ZNF678: variants seen among roughly 807,000 people sequenced by gnomAD.
ZNF678 encodes hypothetical protein MGC42493.
ZNF678 carries 5 observed loss-of-function variants against 3.0 expected under a neutral mutation model. That is an observed-to-expected ratio of 1.69 (90% CI 0.88 to 3.56). The LOEUF is 3.56. ZNF678 is among the 30% of genes most tolerant of loss of function. ZNF678 has a pLI of 0.00. For synonymous variants in ZNF678, 218 were observed against 199.6 expected (o/e 1.09, Z -0.78); for missense variants, 593 against 605.0 (o/e 0.98, Z 0.21).
intron 1 of ZNF678, among the ~76,000 whole-genome samples, chr1:227,597,867 C>G (rs1377295807): frequency 6.6e-6 from 1 of 152,168 alleles, no homozygotes; most frequent in East Asian, 1.9e-4. Flanking sequence ...CTACTATGTC[C>G]ACAATACAGG....
chr1:227,613,623 AT>A (rs1658076066), intron 1 of ZNF678, among the ~76,000 whole-genome samples: 1 of 152,200 alleles, frequency 6.6e-6, no homozygotes, highest in Non-Finnish European at 1.5e-5. Context: ...GCTGAATAAG[AT>A]TTCAAACTCA....
exon 6 of ZNF678, chr1:227,677,362 C>T (rs1344947389): frequency 6.6e-6 from 1 of 152,196 alleles, no homozygotes; most frequent in Non-Finnish European, 1.5e-5. Context: ...CAAAGGTGGA[C>T]TCACTACACT....
intron 1 of ZNF678, among the ~76,000 whole-genome samples, chr1:227,578,092 C>T (rs1401676723): frequency 6.6e-6 from 1 of 152,112 alleles, no homozygotes; most frequent in Admixed American, 6.5e-5. Flanking sequence ...TTAAGGTTTC[C>T]GTTGAGAGGT....
At chr1:227,617,122 T>C (rs2102766150) in intron 1 of ZNF678, among the ~76,000 whole-genome samples, 1 of 152,346 alleles carries the variant, frequency 6.6e-6, no homozygotes, top group Admixed American at 6.5e-5. Flanking sequence ...AACACTACTT[T>C]TCTTTTGATA....
chr1:227,589,463 A>G (rs906581014), intron 1 of ZNF678, among the ~76,000 whole-genome samples: 4 of 151,680 alleles, frequency 2.6e-5, no homozygotes, highest in African/African-American at 9.7e-5. Flanking sequence ...GTGTAGCAGG[A>G]CGAGCTGCAG....
At chr1:227,602,749 A>G (rs1247918691) in intron 1 of ZNF678, among the ~76,000 whole-genome samples, 1 of 152,242 alleles carries the variant, frequency 6.6e-6, no homozygotes, top group Admixed American at 6.5e-5. Flanking sequence ...ATCAGTTTGA[A>G]TATTTCATTT....
intron 1 of ZNF678, among the ~76,000 whole-genome samples, chr1:227,565,569 C>T (rs1023224463): frequency 6.6e-6 from 1 of 151,792 alleles, no homozygotes; most frequent in Non-Finnish European, 1.5e-5. Flanking sequence ...TCGCTAGTTA[C>T]CCATGTTTGT....
At chr1:227,632,945 T>C (rs866462692) in intron 1 of ZNF678, among the ~76,000 whole-genome samples, 3 of 152,164 alleles carry the variant, frequency 2.0e-5, no homozygotes, top group South Asian at 2.1e-4. Flanking sequence ...GTGAGTGTTA[T>C]AGCTCTATTA....
At chr1:227,608,825 TCAAA>T (rs377391940) in intron 1 of ZNF678, among the ~76,000 whole-genome samples, 78 of 152,248 alleles carry the variant, frequency 5.1e-4, no homozygotes, top group African/African-American at 1.9e-3. Flanking sequence ...AGAAAAGGAA[TCAAA>T]CAGAGATGCA....
chr1:227,570,634 C>G (rs1044178052), intron 1 of ZNF678, among the ~76,000 whole-genome samples: 1 of 151,588 alleles, frequency 6.6e-6, no homozygotes, highest in South Asian at 2.1e-4. Flanking sequence ...GTGCCTGGCT[C>G]TCTCATAAAG....
chr1:227,636,974 C>G (rs1264064012), intron 1 of ZNF678, among the ~76,000 whole-genome samples: 2 of 152,172 alleles, frequency 1.3e-5, no homozygotes, highest in Admixed American at 1.3e-4. Context: ...AGTCAGAGCT[C>G]AAGTGAGGGC....
chr1:227,660,869 A>T lies in ZNF678; in HGVS notation c.*5041A>T, dbSNP rs148199896. 6.1e-4 allele frequency: 93 copies of T among 152,276 alleles called. No homozygotes were observed. Among genetic ancestry groups the T allele is most frequent in the African/African-American group, 2.1e-3 (88 of 41,566 alleles). 9.4% of individuals were successfully genotyped at this position (152,276 alleles called of 1,614,324 possible). ...TATATGGCCTTTATTGGCTTGAGGT[A>T]TGTATGTTCTATATGTAATTTGTTT... On this transcript the variant is annotated 3_prime_UTR_variant, in exon 4 of 4. Coordinates refer to ENST00000343776, the MANE Select transcript of ZNF678 (RefSeq NM_001367909.1).
chr1:227,657,779 A>C lies in ZNF678; in HGVS notation c.*1951A>C, dbSNP rs1659288690. On this transcript the variant is annotated 3_prime_UTR_variant, in exon 4 of 4. Transcript: ENST00000343776. ...GAGAAGAAAACAAAAATATTGGAAC[A>C]AAATATAATTTAAAAAGTATTGGTA... 1 of 152,056 alleles carries C rather than the reference A, an allele frequency of 6.6e-6. No homozygotes were observed. The highest frequency in any genetic ancestry group is 2.1e-4 in the South Asian group (1 of 4,832). The allele number at this position is 152,056 out of a possible 1,614,324, so 9.4% of individuals were successfully genotyped here. A position where few individuals can be genotyped will look rare whatever the true frequency, so the allele number is the denominator to read the frequency against.
chr1:227,589,626 C>T (rs936825813), intron 1 of ZNF678, among the ~76,000 whole-genome samples: 1 of 151,672 alleles, frequency 6.6e-6, no homozygotes, highest in Non-Finnish European at 1.5e-5. Context: ...CGTGAGAGGG[C>T]TGTGATCAAT....
At chr1:227,637,779 G>C (rs58274339) in intron 1 of ZNF678, among the ~76,000 whole-genome samples, 31,237 of 152,104 alleles carry the variant, frequency 0.21, 3,325 homozygotes, top group East Asian at 0.25. Flanking sequence ...TATCCCACTA[G>C]TTCTAGAAAA....
intron 1 of ZNF678, among the ~76,000 whole-genome samples, chr1:227,584,004 G>A (rs1030828239): frequency 6.6e-6 from 1 of 152,174 alleles, no homozygotes; most frequent in African/African-American, 2.4e-5. Flanking sequence ...CCTCAAGTGA[G>A]CTAAGACAAT....
At chr1:227,592,172 G>A (rs1215196028) in intron 1 of ZNF678, among the ~76,000 whole-genome samples, 2 of 152,234 alleles carry the variant, frequency 1.3e-5, no homozygotes, top group African/African-American at 2.4e-5. Flanking sequence ...GGTTTAGGGT[G>A]TTGTAAACTT....
intron 1 of ZNF678, among the ~76,000 whole-genome samples, chr1:227,628,294 T>G (rs1034305504): frequency 2.3e-4 from 35 of 151,106 alleles, no homozygotes; most frequent in African/African-American, 8.3e-4. Flanking sequence ...GCTATTCCTG[T>G]TTTTTTTTCT....
At chr1:227,642,056 T>A (rs1297926686) in intron 1 of ZNF678, among the ~76,000 whole-genome samples, 2 of 152,228 alleles carry the variant, frequency 1.3e-5, no homozygotes, top group African/African-American at 4.8e-5. Context: ...ATGAGGGCTA[T>A]CTCTCCTCCA....
Sources: gnomAD v4.1 joint callset for allele counts (sites outside exome capture counted in the v4.1 genomes callset) on GRCh38, gnomAD v4.1.1 for gene constraint, MANE v1.5 for transcripts, NCBI Gene and HGNC (gene_info 2026-07-23, HGNC 2026-07-21) for gene names.